Variants in ZNF423 observed in about 807,000 individuals in gnomAD.
ZNF423 encodes the protein Ebf-associated zinc finger protein.
In ZNF423, 12 loss-of-function variants were observed where a neutral mutation model predicts 95.8. The observed-to-expected ratio is 0.13, with a 90% CI of 0.08 to 0.20. ZNF423 has a LOEUF of 0.20. Ranked by LOEUF, ZNF423 falls within the 10% of genes least tolerant of loss-of-function variation. ZNF423 has a pLI of 1.00. For missense variants in ZNF423, 1,316 were observed against 1,737.1 expected (o/e 0.76, Z 4.31); for synonymous variants, 749 against 711.9 (o/e 1.05, Z -0.83).
Position 49,612,580 on chromosome 16 carries a change from G to A in ZNF423, c.3601+13590C>T, listed in dbSNP as rs114144557. 2.2e-3 allele frequency among the ~76,000 whole-genome samples: 329 copies of A among 152,080 alleles called. 1 individual carries two copies. The highest frequency in any genetic ancestry group is 7.3e-3 in the African/African-American group (301 of 41,516). On this transcript the variant is annotated intron_variant, in intron 5 of 7. Coordinates refer to ENST00000563137, the MANE Select transcript of ZNF423 (RefSeq NM_001379286.1). Reference sequence around the variant, plus strand: ...CCTATAGCTGTTATTTTACTTAATCGTAGAAGACTGAATGTTGTCTCCCTT... The same window carrying A: ...CCTATAGCTGTTATTTTACTTAATCATAGAAGACTGAATGTTGTCTCCCTT...
Position 49,525,854 on chromosome 16 carries a change from A to C in ZNF423, c.3602-360T>G, listed in dbSNP as rs1968582608. Among the ~76,000 whole-genome samples, 4 of 152,370 alleles carry C rather than the reference A, an allele frequency of 2.6e-5. No individual in the cohort carries two copies. In the South Asian group the frequency reaches 8.3e-4, roughly 32 times the overall value. On this transcript the variant is annotated intron_variant, in intron 5 of 7. Transcript: ENST00000563137. ...ACAGGATGGAGAAGGTGGTCCAACC[A>C]GGATTTTAAAAAATCCAATCAAATA... is the stretch of plus-strand genomic sequence containing the variant.
intron 7 of ZNF423, chr16:49,518,233 A>G (rs1407230762): frequency 7.9e-6 from 3 of 382,020 alleles, no homozygotes; most frequent in Non-Finnish European, 1.5e-5. Flanking sequence ...GTCCCCCATT[A>G]TTTTGAACCA....
At chr16:49,513,215 A>G (rs1403633952) in intron 7 of ZNF423, among the ~76,000 whole-genome samples, 1 of 152,204 alleles carries the variant, frequency 6.6e-6, no homozygotes, top group Non-Finnish European at 1.5e-5. Context: ...AGCGTGAGCA[A>G]CAGGTTCTCA....
At chr16:49,632,222 C>T (rs781273517) in intron 4 of ZNF423, among the ~76,000 whole-genome samples, 2 of 152,264 alleles carry the variant, frequency 1.3e-5, no homozygotes, top group South Asian at 4.1e-4. Flanking sequence ...CATGCTCCAG[C>T]CGACAGCAGC....
intron 2 of ZNF423, among the ~76,000 whole-genome samples, chr16:49,763,563 C>T (rs957855701): frequency 6.6e-6 from 1 of 152,120 alleles, no homozygotes; most frequent in Non-Finnish European, 1.5e-5. Context: ...ACATGTCCCT[C>T]CAAAGGCAGT....
chr16:49,760,037 G>A (rs1273415388), intron 2 of ZNF423, among the ~76,000 whole-genome samples: 1 of 143,498 alleles, frequency 7.0e-6, no homozygotes, highest in East Asian at 2.1e-4. Context: ...GGTGGGTGGG[G>A]TGGGTAGATG....
intron 3 of ZNF423, among the ~76,000 whole-genome samples, chr16:49,679,419 G>A (rs560640284): frequency 1.4e-4 from 21 of 152,314 alleles, no homozygotes; most frequent in African/African-American, 2.9e-4. Context: ...TCACAGGCTC[G>A]GAAGTGCCTG....
chr16:49,668,824 C>T (rs140769007), intron 3 of ZNF423, among the ~76,000 whole-genome samples: 330 of 152,274 alleles, frequency 2.2e-3, no homozygotes, highest in African/African-American at 7.7e-3. Context: ...TGAATCTTGG[C>T]TCTGTCATCT....
chr16:49,761,404 G>A (rs543763383), intron 2 of ZNF423, among the ~76,000 whole-genome samples: 23 of 152,306 alleles, frequency 1.5e-4, no homozygotes, highest in Admixed American at 1.3e-3. Context: ...GATCCCCAGC[G>A]AGCCTGCTCA....
At chr16:49,545,865 T>TA (rs948625147) in intron 5 of ZNF423, among the ~76,000 whole-genome samples, 1 of 152,210 alleles carries the variant, frequency 6.6e-6, no homozygotes, top group Non-Finnish European at 1.5e-5. Context: ...GATGGGCTCA[T>TA]AAAATCTCTA....
At chr16:49,707,764 G>A (rs551746059) in intron 3 of ZNF423, among the ~76,000 whole-genome samples, 2 of 152,028 alleles carry the variant, frequency 1.3e-5, no homozygotes, top group Admixed American at 6.5e-5. Context: ...AAATACTAGT[G>A]CCCTAAGCAC....
chr16:49,852,239 G>A (rs989959605), intron 1 of ZNF423, among the ~76,000 whole-genome samples: 1 of 151,980 alleles, frequency 6.6e-6, no homozygotes, highest in African/African-American at 2.4e-5. Context: ...ACTTTGGGAC[G>A]TTGGGGTGGG....
intron 1 of ZNF423, among the ~76,000 whole-genome samples, chr16:49,790,945 G>C (rs1035365336): frequency 6.6e-6 from 1 of 152,158 alleles, no homozygotes. Context: ...CCAACCAACC[G>C]AGTGGGGGTC....
intron 1 of ZNF423, among the ~76,000 whole-genome samples, chr16:49,849,888 C>T (rs1250936765): frequency 2.0e-5 from 3 of 152,224 alleles, no homozygotes; most frequent in South Asian, 2.1e-4. Context: ...CAATCTATAA[C>T]GCTGGGAGGC....
intron 7 of ZNF423, among the ~76,000 whole-genome samples, chr16:49,500,458 T>A (rs1042857555): frequency 6.6e-6 from 1 of 152,122 alleles, no homozygotes; most frequent in African/African-American, 2.4e-5. Context: ...GGACAGCTCA[T>A]CTCAAATATG....
intron 4 of ZNF423, among the ~76,000 whole-genome samples, chr16:49,630,352 C>T (rs1160840846): frequency 1.3e-5 from 2 of 152,144 alleles, no homozygotes. Flanking sequence ...CTCACATGTG[C>T]CCCCACCTAC....
At chr16:49,602,417 TG>T (rs1166590868) in intron 5 of ZNF423, among the ~76,000 whole-genome samples, 1 of 151,830 alleles carries the variant, frequency 6.6e-6, no homozygotes, top group African/African-American at 2.4e-5. Flanking sequence ...AGGCTGAGGG[TG>T]GGGGTGAAGG....
Position 49,635,959 on chromosome 16 carries a change from T to G in ZNF423, c.3217A>C (p.Lys1073Gln). The G allele has an allele frequency of 1.3e-6, 2 of 1,597,498 alleles. No individual in the cohort carries two copies. Among genetic ancestry groups the G allele is most frequent in the Non-Finnish European group, 1.7e-6 (2 of 1,170,672 alleles). ...PNGQGLQKLY[K>Q]CALCLKEFRS... The stretch of plus-strand genomic sequence containing the variant: ...AACTCCTTGAGGCACAGGGCGCACT[T>G]GTAGAGCTTCTGCAGCCCCTGGCCA... Residue 1073 changes from lysine to glutamine, a missense_variant, in exon 4 of 8, where the codon AAG becomes CAG. By Grantham distance (53) the Lys-to-Gln change is moderately conservative. Transcript: ENST00000563137. This position sits in a 1 kb window ranked among gnomAD's most constrained non-coding sequence, Gnocchi z 4.8.
intron 3 of ZNF423, among the ~76,000 whole-genome samples, chr16:49,711,036 A>C: frequency 6.6e-6 from 1 of 152,126 alleles, no homozygotes; most frequent in African/African-American, 2.4e-5. Flanking sequence ...CCAAGTTGGT[A>C]CTAGGGTGAC....
Sources: gnomAD v4.1 joint callset for allele counts (sites outside exome capture counted in the v4.1 genomes callset) on GRCh38, gnomAD v4.1.1 for gene constraint, Gnocchi (gnomAD v3.1) non-coding constraint, MANE v1.5 for transcripts, NCBI Gene and HGNC (gene_info 2026-07-23, HGNC 2026-07-21) for gene names.